The following CDH12 variants were observed in gnomAD, a reference collection of about 807,000 sequenced individuals.
The protein encoded by CDH12 is cadherin-12.
A neutral mutation model predicts 74.1 loss-of-function variants in CDH12; 41 were observed. That is an observed-to-expected ratio of 0.55 (90% CI 0.43 to 0.72). The LOEUF (loss-of-function observed/expected upper bound fraction) is 0.72. Among genes scored for constraint, CDH12 ranks in the 30% least tolerant of loss-of-function variants. The probability of loss-of-function intolerance (pLI) is 0.00; values close to 1 mark genes in which losing one functional copy is unlikely to be tolerated. For missense variants in CDH12, 945 were observed against 977.2 expected (o/e 0.97, Z 0.44); for synonymous variants, 399 against 355.0 (o/e 1.12, Z -1.39).
At chr5:22,345,062 T>G (rs1181267580) in intron 3 of CDH12, among the ~76,000 whole-genome samples, 2 of 152,204 alleles carry the variant, frequency 1.3e-5, no homozygotes, top group Non-Finnish European at 2.9e-5. Context: ...CTTGCCAATT[T>G]CAAAATAAAA....
At chr5:22,171,941 A>G (rs780772991) in intron 4 of CDH12, among the ~76,000 whole-genome samples, 5 of 151,952 alleles carry the variant, frequency 3.3e-5, no homozygotes, top group Admixed American at 6.6e-5. Context: ...TAAAGAAGGC[A>G]GGTGTAGGAG....
At chr5:22,597,648 G>T (rs4336322) in intron 1 of CDH12, among the ~76,000 whole-genome samples, 7 of 152,058 alleles carry the variant, frequency 4.6e-5, no homozygotes, top group Non-Finnish European at 7.4e-5. Flanking sequence ...TATCTCCAGA[G>T]TATTTGTTGT....
chr5:22,135,643 A>G (rs1255502775), intron 4 of CDH12, among the ~76,000 whole-genome samples: 3 of 152,166 alleles, frequency 2.0e-5, no homozygotes, highest in Non-Finnish European at 4.4e-5. Flanking sequence ...ATGTCTGAAG[A>G]ATGAAGAGAA....
At chr5:22,791,506 A>G (rs965439241) in intron 1 of CDH12, among the ~76,000 whole-genome samples, 2 of 152,224 alleles carry the variant, frequency 1.3e-5, no homozygotes, top group Non-Finnish European at 2.9e-5. Flanking sequence ...GTAGAAAGAC[A>G]TTGTTCAGGC....
At chr5:22,540,746 C>T (rs1738065662) in intron 1 of CDH12, among the ~76,000 whole-genome samples, 1 of 152,088 alleles carries the variant, frequency 6.6e-6, no homozygotes, top group Non-Finnish European at 1.5e-5. Context: ...CATCTGTTCA[C>T]CCAGTATTTC....
intron 8 of CDH12, among the ~76,000 whole-genome samples, chr5:21,836,662 A>G (rs936213854): frequency 6.6e-6 from 1 of 151,910 alleles, no homozygotes. Flanking sequence ...AATTAACGGC[A>G]TCACTTAATT....
chr5:22,138,873 T>TATAC (rs1286878373), intron 4 of CDH12, among the ~76,000 whole-genome samples: 1 of 139,416 alleles, frequency 7.2e-6, no homozygotes, highest in African/African-American at 2.6e-5. Context: ...TATATATATA[T>TATAC]ATACATGTTG....
intron 5 of CDH12, among the ~76,000 whole-genome samples, chr5:22,035,350 T>C (rs1739094117): frequency 6.6e-6 from 1 of 151,944 alleles, no homozygotes; most frequent in Non-Finnish European, 1.5e-5. Context: ...TTAGGTGCAG[T>C]GGCCTTGGGT....
intron 1 of CDH12, among the ~76,000 whole-genome samples, chr5:22,652,942 G>T (rs186636047): frequency 6.6e-6 from 1 of 152,096 alleles, no homozygotes; most frequent in Admixed American, 6.6e-5. Context: ...ATAACTGTAT[G>T]CCCAAATAAA....
intron 9 of CDH12, among the ~76,000 whole-genome samples, chr5:21,813,324 C>CA (rs1747854790): frequency 6.6e-6 from 1 of 151,810 alleles, no homozygotes; most frequent in Admixed American, 6.6e-5. Flanking sequence ...ACTAAAAATA[C>CA]AAAAAATTAG....
chr5:22,291,769 T>C (rs1283960978), intron 3 of CDH12, among the ~76,000 whole-genome samples: 2 of 152,150 alleles, frequency 1.3e-5, no homozygotes, highest in African/African-American at 2.4e-5. Flanking sequence ...TTTAAATGCC[T>C]GTACTCTCCA....
chr5:22,245,309 G>A (rs193245530), intron 3 of CDH12, among the ~76,000 whole-genome samples: 1 of 152,108 alleles, frequency 6.6e-6, no homozygotes, highest in Non-Finnish European at 1.5e-5. Flanking sequence ...AGATGGCTTT[G>A]AGCAGCATCA....
chr5:22,620,894 G>A (rs1025678852), intron 1 of CDH12, among the ~76,000 whole-genome samples: 4 of 152,110 alleles, frequency 2.6e-5, no homozygotes, highest in East Asian at 1.9e-4. Flanking sequence ...TTTTAGATGC[G>A]ACAAATGAAA....
chr5:22,029,818 G>A (rs1162089373), intron 5 of CDH12, among the ~76,000 whole-genome samples: 1 of 151,878 alleles, frequency 6.6e-6, no homozygotes, highest in Non-Finnish European at 1.5e-5. Context: ...GCACACATAT[G>A]TTTATTGCGG....
At chr5:22,125,576 G>A (rs188536194) in intron 4 of CDH12, among the ~76,000 whole-genome samples, 20 of 152,200 alleles carry the variant, frequency 1.3e-4, no homozygotes, top group Admixed American at 1.2e-3. Context: ...AGCCGTCTCT[G>A]CTGGTTTTAG....
In CDH12 at chr5:22,576,712, G is replaced by T. The variant is rs762873448; in HGVS notation, c.-522-71348C>A. 5.3e-5 allele frequency among the ~76,000 whole-genome samples: 8 copies of T among 150,780 alleles called. 1 individual carries two copies. The highest frequency in any genetic ancestry group is 4.6e-4 in the Admixed American group (7 of 15,128). On this transcript the variant is annotated intron_variant, in intron 1 of 14. Transcript: ENST00000382254. ...ATCCTATGTAGATCTCCAAGGAGGC[G>T]ATGGTCCTTGCGTCTTAGGGAAACA...
intron 1 of CDH12, among the ~76,000 whole-genome samples, chr5:22,775,878 G>A (rs1291201179): frequency 6.6e-6 from 1 of 151,972 alleles, no homozygotes; most frequent in Non-Finnish European, 1.5e-5. Context: ...TGAATTTTGG[G>A]GGCCGGTCTT....
chr5:22,387,644 T>C (rs946132825), intron 3 of CDH12, among the ~76,000 whole-genome samples: 16 of 152,266 alleles, frequency 1.1e-4, no homozygotes, highest in Middle Eastern at 3.4e-3. Context: ...TGCCTCAGAA[T>C]AGCACTGGAT....
rs1741693917 is a variant in CDH12 at position 22,685,123 on chromosome 5, A to G, written c.-523+167935T>C. On this transcript the variant is annotated intron_variant, in intron 1 of 14. Coordinates refer to ENST00000382254, the MANE Select transcript of CDH12 (RefSeq NM_004061.5). ...TTGTTTTTAGTAGCTTTATTAAGAT[A>G]CAATTCATATATCATTTGCCTATTA... 1.3e-5 allele frequency among the ~76,000 whole-genome samples: 2 copies of G among 152,190 alleles called. 1 individual carries two copies. The highest frequency in any genetic ancestry group is 3.9e-4 in the East Asian group (2 of 5,184).
Sources: allele counts gnomAD v4.1 joint callset (sites outside exome capture counted in the v4.1 genomes callset), GRCh38; gene constraint gnomAD v4.1.1; transcripts MANE v1.5; gene names NCBI Gene and HGNC (gene_info 2026-07-23, HGNC 2026-07-21).